Variants in PTH2R observed in about 807,000 individuals in gnomAD.
The protein encoded by PTH2R is parathyroid hormone 2 receptor, also known as PTH2 receptor.
PTH2R carries 59 observed loss-of-function variants against 60.3 expected under a neutral mutation model. The ratio of observed to expected loss-of-function variants is 0.98; its 90% CI spans 0.79 to 1.22. PTH2R has a LOEUF of 1.22. Among genes scored for constraint, PTH2R ranks in the 50% most tolerant of loss-of-function variants. The pLI is 0.00. For synonymous variants in PTH2R, 256 were observed against 243.8 expected, an observed-to-expected ratio of 1.05 and a Z score of -0.47; for missense variants, 749 against 682.6, an observed-to-expected ratio of 1.10 and a Z score of -1.08.
At chr2:208,403,539 C>T (rs1701347804), upstream of PTH2R, among the ~76,000 whole-genome samples, 1 of 152,210 alleles carries the variant, frequency 6.6e-6, no homozygotes, top group South Asian at 2.1e-4. Context: ...ACATTGCTCT[C>T]ACATCAGATG....
intron 1 of PTH2R, among the ~76,000 whole-genome samples, chr2:208,415,219 A>G (rs761051263): frequency 7.9e-5 from 12 of 152,240 alleles, no homozygotes; most frequent in Non-Finnish European, 1.6e-4. Flanking sequence ...GGAACTCTGT[A>G]CTATCTTATA....
intron 8 of PTH2R, among the ~76,000 whole-genome samples, chr2:208,457,991 T>A (rs533072160): frequency 9.7e-4 from 148 of 152,304 alleles, no homozygotes; most frequent in African/African-American, 3.2e-3. Flanking sequence ...ATTGCCACAA[T>A]CAATACTGGG....
intron 1 of PTH2R, among the ~76,000 whole-genome samples, chr2:208,413,060 C>A (rs1701572300): frequency 6.6e-6 from 1 of 151,994 alleles, no homozygotes. Context: ...GTATCTTCCA[C>A]CTCTTTCTCC....
chr2:208,415,239 T>C (rs961662306), intron 1 of PTH2R, among the ~76,000 whole-genome samples: 21 of 152,248 alleles, frequency 1.4e-4, no homozygotes, highest in Non-Finnish European at 2.4e-4. Context: ...ATAAATAAAT[T>C]TTTTTTCTGT....
At chr2:208,423,822 C>A (rs970410383) in intron 1 of PTH2R, among the ~76,000 whole-genome samples, 1 of 151,970 alleles carries the variant, frequency 6.6e-6, no homozygotes, top group East Asian at 1.9e-4. Context: ...GATGGAGTGA[C>A]CCTTGTATTA....
At chr2:208,420,136 G>T (rs1167094906) in intron 1 of PTH2R, among the ~76,000 whole-genome samples, 2 of 152,082 alleles carry the variant, frequency 1.3e-5, no homozygotes, top group Non-Finnish European at 2.9e-5. Context: ...GGACTGTTGT[G>T]GGGTGGGGGG....
chr2:208,490,704 A>G, intron 12 of PTH2R, 24 bp downstream of exon 12: 2 of 1,588,990 alleles, frequency 1.3e-6, no homozygotes, highest in Non-Finnish European at 1.7e-6. Flanking sequence ...AACCTTGGAC[A>G]GGTCTCGCTT....
intron 1 of PTH2R, among the ~76,000 whole-genome samples, chr2:208,423,058 G>C (rs577310115): frequency 1.1e-3 from 167 of 151,878 alleles, no homozygotes; most frequent in African/African-American, 2.9e-3. Context: ...TTCACTGACA[G>C]TCTGCATTGT....
At chr2:208,477,622 T>A (rs774510733) in intron 9 of PTH2R, among the ~76,000 whole-genome samples, 2 of 152,112 alleles carry the variant, frequency 1.3e-5, no homozygotes, top group Non-Finnish European at 2.9e-5. Flanking sequence ...AAATGAATCT[T>A]TAATTGCAAA....
intron 1 of PTH2R, among the ~76,000 whole-genome samples, chr2:208,378,418 T>C (rs959134836): frequency 6.6e-6 from 1 of 152,072 alleles, no homozygotes. Context: ...AAAATGCCTC[T>C]TTCAATATGT....
At chr2:208,485,293 C>T (rs544201131) in intron 10 of PTH2R, among the ~76,000 whole-genome samples, 50 of 152,260 alleles carry the variant, frequency 3.3e-4, no homozygotes, top group Non-Finnish European at 5.0e-4. Flanking sequence ...CCAAAACCAC[C>T]TGACTTCTTT....
At chr2:208,437,244 C>T (rs962035727) in intron 2 of PTH2R, among the ~76,000 whole-genome samples, 1 of 151,998 alleles carries the variant, frequency 6.6e-6, no homozygotes, top group African/African-American at 2.4e-5. Flanking sequence ...CAATGATTTC[C>T]AATGTTTCTT....
chr2:208,401,632 A>G (rs747684265), intron 1 of PTH2R, among the ~76,000 whole-genome samples: 3 of 151,838 alleles, frequency 2.0e-5, no homozygotes, highest in African/African-American at 7.3e-5. Flanking sequence ...CTGTTTTAGA[A>G]TCCCTCCTGT....
In PTH2R at chr2:208,446,956, C is replaced by T. The variant is rs182997895; in HGVS notation, c.853+2069C>T. 2.0e-5 allele frequency among the ~76,000 whole-genome samples: 3 copies of T among 152,212 alleles called. No individual in the cohort carries two copies. In the East Asian group the frequency reaches 5.8e-4, roughly 30 times the overall value. On this transcript the variant is annotated intron_variant, in intron 7 of 12. Transcript: ENST00000272847. Reference sequence around the variant, plus strand: ...TTCCAATGATGCCATTTACTGGCTTCATTAGAGCAGAGAACTTGCTTAAAT... The same window carrying T: ...TTCCAATGATGCCATTTACTGGCTTTATTAGAGCAGAGAACTTGCTTAAAT...
intron 7 of PTH2R, among the ~76,000 whole-genome samples, chr2:208,450,371 C>A (rs188086684): frequency 2.0e-5 from 3 of 152,128 alleles, no homozygotes; most frequent in Admixed American, 2.0e-4. Context: ...TTCAGGAGTC[C>A]CTGTGTTGCT....
upstream of PTH2R, among the ~76,000 whole-genome samples, chr2:208,403,710 C>A (rs1286145339): frequency 2.0e-5 from 3 of 152,184 alleles, no homozygotes; most frequent in African/African-American, 7.2e-5. Context: ...CTCTTCTCTG[C>A]TTAAGTTGGT....
chr2:208,365,247 A>G (rs1452689886), intron 1 of PTH2R, among the ~76,000 whole-genome samples: 1 of 152,176 alleles, frequency 6.6e-6, no homozygotes, highest in Admixed American at 6.5e-5. Flanking sequence ...CTTGTTCTTA[A>G]TCTTAGAGGA....
At chr2:208,490,555 TGGACGTACACA>T in intron 11 of PTH2R, 73 bp from the exon 12 acceptor site, 1 of 1,338,436 alleles carries the variant, frequency 7.5e-7, no homozygotes, top group Non-Finnish European at 1.0e-6. Flanking sequence ...AAACAATTTT[TGGACGTACACA>T]TTTTGGCACA....
chr2:208,432,498 T>TATTAGTCAAA (rs1166102898), intron 2 of PTH2R, among the ~76,000 whole-genome samples: 1 of 152,226 alleles, frequency 6.6e-6, no homozygotes, highest in African/African-American at 2.4e-5. Context: ...AGTAAGACTG[T>TATTAGTCAAA]ATTAGTCAAA....
Sources: gnomAD v4.1 joint callset for allele counts (sites outside exome capture counted in the v4.1 genomes callset) on GRCh38, gnomAD v4.1.1 for gene constraint, MANE v1.5 for transcripts, NCBI Gene and HGNC (gene_info 2026-07-23, HGNC 2026-07-21) for gene names.